Variants in ICMT observed in about 807,000 individuals in gnomAD.
ICMT encodes the protein protein-S-isoprenylcysteine O-methyltransferase.
A neutral mutation model predicts 32.2 loss-of-function variants in ICMT; 10 were observed. That is an observed-to-expected ratio of 0.31 (90% CI 0.19 to 0.53). ICMT has a LOEUF of 0.53. ICMT is among the 20% of genes least tolerant of loss of function. The pLI, the probability that ICMT is intolerant of heterozygous loss-of-function variation, is 0.96. For missense variants in ICMT, 265 were observed against 356.9 expected, an observed-to-expected ratio of 0.74 and a Z score of 2.07; for synonymous variants, 183 against 158.2, an observed-to-expected ratio of 1.16 and a Z score of -1.18.
chr1:6,232,488 G>A (rs1333756317), intron 3 of ICMT, among the ~76,000 whole-genome samples: 1 of 152,216 alleles, frequency 6.6e-6, no homozygotes, highest in African/African-American at 2.4e-5. Context: ...AATCCCAGGA[G>A]CCACATGTAT....
Position 6,231,957 on chromosome 1 carries a change from G to C in ICMT, c.617C>G (p.Ala206Gly). Residue 206 changes from alanine (A) to glycine (G), a missense_variant, in exon 4 of 5, where the codon GCT becomes GGT. Coordinates refer to ENST00000343813, the MANE Select transcript of ICMT (RefSeq NM_012405.4). Reference sequence around the variant, plus strand: ...GACGTAAGAAGGATGCCGAAACCAAGCGTACACTCCACTGGTCACCAGAGT... The same window carrying C: ...GACGTAAGAAGGATGCCGAAACCAACCGTACACTCCACTGGTCACCAGAGT... ...THTLVTSGVY[A>G]WFRHPSYVGW... 6.2e-7 allele frequency: 1 copy of C among 1,610,214 alleles called. No homozygotes were observed. The highest frequency in any genetic ancestry group is 1.1e-5 in the South Asian group (1 of 90,814).
chr1:6,233,711 G>C, intron 2 of ICMT, 68 bp from the exon 3 acceptor site: 1 of 1,347,634 alleles, frequency 7.4e-7, no homozygotes, highest in African/African-American at 1.4e-5. Flanking sequence ...TGCACATCTG[G>C]GTCTCCTGAG....
In ICMT at chr1:6,225,041, C is replaced by A; in HGVS notation, c.*39G>T. 4.5e-6 allele frequency: 7 copies of A among 1,565,318 alleles called. No homozygotes were observed. The highest frequency in any genetic ancestry group is 1.2e-5 in the South Asian group (1 of 85,784). ...GGAAACAGTTTTGTCCCAGGCTGCA[C>A]AGGGTCGGAGGCCCCAAGGTCACCG... On this transcript the variant is annotated 3_prime_UTR_variant, in exon 5 of 5. Transcript: ENST00000343813.
Position 6,233,582 on chromosome 1 carries a change from GATT to G in ICMT, c.343_345del (p.Asn115del). 6.2e-7 allele frequency: 1 copy of G among 1,613,996 alleles called. No homozygotes were observed. The highest frequency in any genetic ancestry group is 8.5e-7 in the Non-Finnish European group (1 of 1,179,852). On this transcript the variant is annotated inframe_deletion, in exon 3 of 5. Transcript: ENST00000343813. ...AAGGAATCCAAGGACAGACTTTTGG[GATT>G]ATTGACTGCTGTCACCAAGTATTCA...
In ICMT at chr1:6,224,665, C is replaced by G. The variant is rs1462599275; in HGVS notation, c.*415G>C. The G allele has an allele frequency of 6.2e-6, 1 of 161,418 alleles. No homozygotes were observed. The highest frequency in any genetic ancestry group is 2.4e-5 in the African/African-American group (1 of 41,810). 10.0% of individuals were successfully genotyped at this position (161,418 alleles called of 1,614,324 possible). A position where few individuals can be genotyped will look rare whatever the true frequency, so the allele number is the denominator to read the frequency against. Reference sequence around the variant, plus strand: ...AAAGGTTGTAAATGCATTTTTACCGCTGATAAGAAGGGGTACCTGCTACCC... The same window carrying G: ...AAAGGTTGTAAATGCATTTTTACCGGTGATAAGAAGGGGTACCTGCTACCC... On this transcript the variant is annotated 3_prime_UTR_variant, in exon 5 of 5. Coordinates refer to ENST00000343813, the MANE Select transcript of ICMT (RefSeq NM_012405.4).
chr1:6,234,512 C>G (rs758308898), intron 2 of ICMT: 1 of 484,602 alleles, frequency 2.1e-6, no homozygotes, highest in African/African-American at 2.0e-5. Context: ...TAGATGTGAC[C>G]TAATAGAAAT....
At chr1:6,232,779 C>T (rs989093439) in intron 3 of ICMT, among the ~76,000 whole-genome samples, 2 of 152,050 alleles carry the variant, frequency 1.3e-5, no homozygotes, top group African/African-American at 4.8e-5. Context: ...AACTCCTGAC[C>T]TCATGTGATC....
chr1:6,233,653 G>A lies in ICMT; in HGVS notation c.285-10C>T. 2 of 1,603,182 alleles carry A rather than the reference G, an allele frequency of 1.2e-6. No homozygotes were observed. Among genetic ancestry groups the A allele is most frequent in the Admixed American group, 1.7e-5 (1 of 57,622 alleles). On this transcript the variant is annotated splice_polypyrimidine_tract_variant and intron_variant, in intron 2 of 4. Coordinates refer to ENST00000343813, the MANE Select transcript of ICMT (RefSeq NM_012405.4). ...CAGGGAGCACATGTACCTATTTAAAGACAAAAAGAGAGTTAAGTTGGGACA... is the reference window on the plus strand; with the variant it reads ...CAGGGAGCACATGTACCTATTTAAAAACAAAAAGAGAGTTAAGTTGGGACA...
chr1:6,225,777 C>G lies in ICMT; in HGVS notation c.673-515G>C, dbSNP rs186316668. Among the ~76,000 whole-genome samples, 94 of 140,890 alleles carry G rather than the reference C, an allele frequency of 6.7e-4. 1 individual carries two copies. The highest frequency in any genetic ancestry group is 2.0e-3 in the South Asian group (9 of 4,578). The allele number at this position is 140,890 out of a possible 152,430, so 92.4% of individuals were successfully genotyped here. A position where few individuals can be genotyped will look rare whatever the true frequency, so the allele number is the denominator to read the frequency against. ...AGCTCCAGAGACTGAACCCCACCCC[C>G]TGAGTCTGGGTTTCCAACCCCAGAA... On this transcript the variant is annotated intron_variant, in intron 4 of 4. Coordinates refer to ENST00000343813, the MANE Select transcript of ICMT (RefSeq NM_012405.4).
intron 4 of ICMT, among the ~76,000 whole-genome samples, chr1:6,226,721 A>G (rs974358880): frequency 2.0e-5 from 3 of 152,078 alleles, no homozygotes; most frequent in Non-Finnish European, 4.4e-5. Flanking sequence ...GCACGCTACT[A>G]TCCCCACTTT....
chr1:6,231,456 T>TAGC (rs1039579882), intron 4 of ICMT, among the ~76,000 whole-genome samples: 1 of 151,352 alleles, frequency 6.6e-6, no homozygotes, highest in Non-Finnish European at 1.5e-5. Flanking sequence ...CCTATAATGC[T>TAGC]AGCACTTTGC....
chr1:6,230,585 T>TA (rs1668718404), intron 4 of ICMT, among the ~76,000 whole-genome samples: 1 of 116,170 alleles, frequency 8.6e-6, no homozygotes, highest in African/African-American at 3.3e-5. Context: ...GATCCTGTCT[T>TA]TAAAAAAAAA....
chr1:6,235,928 C>T lies in ICMT; in HGVS notation c.-17G>A. 1 of 1,053,374 alleles carries T rather than the reference C, an allele frequency of 9.5e-7. No homozygotes were observed. The highest frequency in any genetic ancestry group is 1.1e-6 in the Non-Finnish European group (1 of 874,988). The allele number at this position is 1,053,374 out of a possible 1,614,324, so 65.3% of individuals were successfully genotyped here. A position where few individuals can be genotyped will look rare whatever the true frequency, so the allele number is the denominator to read the frequency against. ...GCCCGCCATGGCGCCGGGCGGCGGA[C>T]TAGCGGGCGGCGGCGCCGGCTGTAG... is the stretch of plus-strand genomic sequence containing the variant. On this transcript the variant is annotated 5_prime_UTR_variant, in exon 1 of 5. Coordinates refer to ENST00000343813, the MANE Select transcript of ICMT (RefSeq NM_012405.4).
At chr1:6,229,315 C>A (rs1209039290) in intron 4 of ICMT, among the ~76,000 whole-genome samples, 1 of 151,896 alleles carries the variant, frequency 6.6e-6, no homozygotes, top group East Asian at 2.0e-4. Flanking sequence ...CCCGTCTCTA[C>A]TAAAAATACA....
intron 4 of ICMT, 122 bp from the exon 5 acceptor site, chr1:6,225,384 G>T (rs1668630200): frequency 1.1e-6 from 1 of 911,392 alleles, no homozygotes; most frequent in Non-Finnish European, 1.7e-6. Flanking sequence ...GACCGTCAGG[G>T]TCTCTGGGAG....
chr1:6,235,935 G>A lies in ICMT; in HGVS notation c.-24C>T. ...ATGGCGCCGGGCGGCGGACTAGCGG[G>A]CGGCGGCGCCGGCTGTAGCCCGGAG... On this transcript the variant is annotated 5_prime_UTR_variant, in exon 1 of 5. Coordinates refer to ENST00000343813, the MANE Select transcript of ICMT (RefSeq NM_012405.4). The A allele has an allele frequency of 9.6e-7, 1 of 1,036,690 alleles. No homozygotes were observed. Among genetic ancestry groups the A allele is most frequent in the South Asian group, 4.6e-5 (1 of 21,586 alleles). 64.2% of individuals were successfully genotyped at this position (1,036,690 alleles called of 1,614,324 possible). A position where few individuals can be genotyped will look rare whatever the true frequency, so the allele number is the denominator to read the frequency against.
chr1:6,231,904 G>T lies in ICMT; in HGVS notation c.670C>A (p.Gln224Lys). ...CAGTGTCATATTTAATATTATACCTGAGTTCCAATACTCCAGTAAAACCAC... is the reference window on the plus strand; with the variant it reads ...CAGTGTCATATTTAATATTATACCTTAGTTCCAATACTCCAGTAAAACCAC... ...VGWFYWSIGT[Q>K]VMLCNPICGV... Residue 224 changes from glutamine (Q) to lysine (K), a missense_variant and splice_region_variant, in exon 4 of 5, where the codon CAG becomes AAG. By Grantham distance (53) the Gln-to-Lys change is moderately conservative. Around this residue, in one of 2 missense-constraint regions of ICMT, gnomAD observed 166 missense variants for 264.3 expected, o/e 0.63. Coordinates refer to ENST00000343813, the MANE Select transcript of ICMT (RefSeq NM_012405.4). The T allele has an allele frequency of 6.5e-7, 1 of 1,531,024 alleles. No individual in the cohort carries two copies. The highest frequency in any genetic ancestry group is 8.9e-7 in the Non-Finnish European group (1 of 1,124,308). The allele number at this position is 1,531,024 out of a possible 1,614,324, so 94.8% of individuals were successfully genotyped here. A position where few individuals can be genotyped will look rare whatever the true frequency, so the allele number is the denominator to read the frequency against.
chr1:6,229,612 T>C (rs1299903372), intron 4 of ICMT, among the ~76,000 whole-genome samples: 1 of 152,066 alleles, frequency 6.6e-6, no homozygotes, highest in Non-Finnish European at 1.5e-5. Flanking sequence ...TGAGCCGAGA[T>C]TGTGACACCG....
intron 4 of ICMT, among the ~76,000 whole-genome samples, chr1:6,228,471 T>C (rs779407442): frequency 6.6e-6 from 1 of 151,998 alleles, no homozygotes; most frequent in Non-Finnish European, 1.5e-5. Flanking sequence ...GCCTCCCAAG[T>C]AGCTGGGACT....
Sources: allele counts gnomAD v4.1 joint callset (sites outside exome capture counted in the v4.1 genomes callset), GRCh38; gene constraint gnomAD v4.1.1; regional missense constraint gnomAD v4.1.1; transcripts MANE v1.5; gene names NCBI Gene and HGNC (gene_info 2026-07-23, HGNC 2026-07-21).